Variants in TMEM132C observed in about 807,000 individuals in gnomAD.
TMEM132C encodes the protein protein phosphatase 1, regulatory subunit 152.
A neutral mutation model predicts 61.4 loss-of-function variants in TMEM132C; 29 were observed. The ratio of observed to expected loss-of-function variants is 0.47; its 90% CI spans 0.35 to 0.64. The LOEUF is 0.64. Among genes scored for constraint, TMEM132C ranks in the 30% least tolerant of loss-of-function variants. The probability of loss-of-function intolerance (pLI) is 0.00; values close to 1 mark genes in which losing one functional copy is unlikely to be tolerated. For missense variants in TMEM132C, 1,408 were observed against 1,476.9 expected, an observed-to-expected ratio of 0.95 and a Z score of 0.76; for synonymous variants, 656 against 633.1, an observed-to-expected ratio of 1.04 and a Z score of -0.54.
chr12:128,271,817 T>C (rs1195640928), intron 1 of TMEM132C, among the ~76,000 whole-genome samples: 1 of 152,230 alleles, frequency 6.6e-6, no homozygotes, highest in African/African-American at 2.4e-5. Context: ...CTCAATTATA[T>C]TAGTAGTTAA....
At chr12:128,571,065 G>A (rs139959083) in intron 3 of TMEM132C, among the ~76,000 whole-genome samples, 1 of 152,336 alleles carries the variant, frequency 6.6e-6, no homozygotes, top group Non-Finnish European at 1.5e-5. Flanking sequence ...GCTTTTGGAT[G>A]TAGTCATGTG....
At chr12:128,556,568 C>G (rs915449088) in intron 3 of TMEM132C, among the ~76,000 whole-genome samples, 3 of 152,236 alleles carry the variant, frequency 2.0e-5, no homozygotes, top group African/African-American at 4.8e-5. Context: ...CCTCTCTACT[C>G]TCCCATGAAC....
At chr12:128,568,469 T>C (rs111975804) in intron 3 of TMEM132C, among the ~76,000 whole-genome samples, 11 of 152,326 alleles carry the variant, frequency 7.2e-5, no homozygotes, top group African/African-American at 2.4e-4. Flanking sequence ...AGCAAATACT[T>C]ACCCTGTACT....
Position 128,616,328 on chromosome 12 carries a change from T to G in TMEM132C, c.1298T>G (p.Leu433Trp). ...SQKDLVGIVP[L>W]AMDTEILNTA... is the part of the protein sequence containing the mutation. ...AAGGACCTGGTGGGCATCGTTCCCT[T>G]GGCTATGGTGAGTCCTGAGTTACCT... Residue 433 changes from leucine (L) to tryptophan (W), a missense_variant, in exon 4 of 9, where the codon TTG becomes TGG. Physicochemically the swap from Leu to Trp is moderately conservative, Grantham distance 61. Coordinates refer to ENST00000435159, the MANE Select transcript of TMEM132C (RefSeq NM_001136103.3). 3 of 1,551,450 alleles carry G rather than the reference T, an allele frequency of 1.9e-6. No individual in the cohort carries two copies. Among genetic ancestry groups the G allele is most frequent in the Non-Finnish European group, 2.6e-6 (3 of 1,146,712 alleles).
chr12:128,604,670 G>A (rs994466429), intron 3 of TMEM132C, among the ~76,000 whole-genome samples: 1 of 152,020 alleles, frequency 6.6e-6, no homozygotes, highest in African/African-American at 2.4e-5. Context: ...CAAATGGATA[G>A]ATAGATCATA....
intron 2 of TMEM132C, among the ~76,000 whole-genome samples, chr12:128,533,496 T>C (rs1025703678): frequency 3.2e-4 from 48 of 152,298 alleles, no homozygotes; most frequent in African/African-American, 1.1e-3. Flanking sequence ...ATCAGGGTGT[T>C]GGCAGGGTTG....
At position 128,278,165 on chromosome 12, in the gene TMEM132C, G is replaced by A. The variant is rs1479128800; in HGVS notation, c.85+10678G>A. 6.6e-6 allele frequency among the ~76,000 whole-genome samples: 1 copy of A among 152,150 alleles called. No homozygotes were observed. The highest frequency in any genetic ancestry group is 1.5e-5 in the Non-Finnish European group (1 of 68,030). ...GCCCCTCTGGCATCCTGATTTAGGA[G>A]AACAAAAATCTCAGGGGAAGTCTAT... On this transcript the variant is annotated intron_variant, in intron 1 of 8. Transcript: ENST00000435159. The surrounding 1 kb of genome is among the most constrained non-coding windows in gnomAD (Gnocchi z 4.2).
intron 1 of TMEM132C, among the ~76,000 whole-genome samples, chr12:128,303,822 C>A: frequency 6.6e-6 from 1 of 152,134 alleles, no homozygotes; most frequent in East Asian, 1.9e-4. Flanking sequence ...TTGTGGAAGT[C>A]ATTTCTGAGC....
intron 4 of TMEM132C, among the ~76,000 whole-genome samples, chr12:128,656,292 CT>C (rs1335414772): frequency 3.9e-5 from 6 of 152,194 alleles, no homozygotes; most frequent in Non-Finnish European, 5.9e-5. Context: ...CTCAAGTGAT[CT>C]GTCCACCTCG....
intron 3 of TMEM132C, among the ~76,000 whole-genome samples, chr12:128,576,377 A>G (rs1269717557): frequency 6.6e-6 from 1 of 152,196 alleles, no homozygotes; most frequent in Non-Finnish European, 1.5e-5. Flanking sequence ...AAACCATTGC[A>G]AAGGGGAGGC....
At position 128,616,213 on chromosome 12, in the gene TMEM132C, C is replaced by G; in HGVS notation, c.1183C>G (p.Leu395Val). The change falls in exon 4 of 9, where the codon CTT (leucine) becomes GTT (valine). Residue 395 changes from leucine to valine, a missense_variant. Physicochemically the swap from Leu to Val is conservative, Grantham distance 32. Coordinates refer to ENST00000435159, the MANE Select transcript of TMEM132C (RefSeq NM_001136103.3). ...CTTTGAAATAGCCAGTTTCAGCAGC[C>G]TTTCAGGGACTCAGCCCATCACGTG... ...MNFEIASFSS[L>V]SGTQPITWQV... 6.4e-7 allele frequency: 1 copy of G among 1,551,778 alleles called. No homozygotes were observed. The highest frequency in any genetic ancestry group is 8.7e-7 in the Non-Finnish European group (1 of 1,146,994).
chr12:128,617,751 T>G (rs1429848263), intron 4 of TMEM132C, among the ~76,000 whole-genome samples: 2 of 152,170 alleles, frequency 1.3e-5, no homozygotes, highest in Non-Finnish European at 2.9e-5. Flanking sequence ...TAAGAGCCTG[T>G]GCATCATGGA....
At chr12:128,418,022 C>G (rs894812453) in intron 2 of TMEM132C, among the ~76,000 whole-genome samples, 1 of 152,146 alleles carries the variant, frequency 6.6e-6, no homozygotes, top group Admixed American at 6.5e-5. Flanking sequence ...CGTATTCCCT[C>G]CCTTCCGATC....
At chr12:128,685,276 A>G (rs774947737) in intron 5 of TMEM132C, among the ~76,000 whole-genome samples, 14 of 152,262 alleles carry the variant, frequency 9.2e-5, no homozygotes, top group Non-Finnish European at 1.5e-4. Flanking sequence ...ATCTCTTAGC[A>G]GAATGCATCT....
intron 1 of TMEM132C, among the ~76,000 whole-genome samples, chr12:128,272,789 A>C (rs1870566036): frequency 6.6e-6 from 1 of 152,248 alleles, no homozygotes; most frequent in South Asian, 2.1e-4. Flanking sequence ...TCTTGTGCTT[A>C]ATTGCTGTCC....
chr12:128,297,076 A>C (rs977827621), intron 1 of TMEM132C, among the ~76,000 whole-genome samples: 1 of 152,062 alleles, frequency 6.6e-6, no homozygotes, highest in African/African-American at 2.4e-5. Context: ...TGCAAAGTGC[A>C]TATGTAAGTT....
chr12:128,493,836 T>G (rs1258244545), intron 2 of TMEM132C, among the ~76,000 whole-genome samples: 1 of 152,190 alleles, frequency 6.6e-6, no homozygotes, highest in Non-Finnish European at 1.5e-5. Flanking sequence ...TTGAATACCC[T>G]TTATTTCTTT....
chr12:128,571,489 C>T (rs1874881639), intron 3 of TMEM132C, among the ~76,000 whole-genome samples: 1 of 152,196 alleles, frequency 6.6e-6, no homozygotes, highest in Non-Finnish European at 1.5e-5. Flanking sequence ...ACCATCACCA[C>T]CATCCACCTC....
At chr12:128,651,292 C>T (rs567621948) in intron 4 of TMEM132C, among the ~76,000 whole-genome samples, 1 of 152,206 alleles carries the variant, frequency 6.6e-6, no homozygotes, top group Non-Finnish European at 1.5e-5. Flanking sequence ...CTGCAGTTGT[C>T]TGCAGCCCAA....
Sources: allele counts gnomAD v4.1 joint callset (sites outside exome capture counted in the v4.1 genomes callset), GRCh38; gene constraint gnomAD v4.1.1; non-coding constraint Gnocchi (gnomAD v3.1); transcripts MANE v1.5; gene names NCBI Gene and HGNC (gene_info 2026-07-23, HGNC 2026-07-21).